ZNF714: variants seen among roughly 807,000 people sequenced by gnomAD.
The protein encoded by ZNF714 is zinc finger protein 714.
Under a neutral mutation model 46.2 loss-of-function variants are expected in ZNF714, and 32 were observed. That is an observed-to-expected ratio of 0.69 (90% CI 0.52 to 0.93). The LOEUF (loss-of-function observed/expected upper bound fraction) is 0.93. ZNF714 is among the 40% of genes least tolerant of loss of function. ZNF714 has a pLI of 0.00. For synonymous variants in ZNF714, 199 were observed against 213.1 expected (o/e 0.93, Z 0.58); for missense variants, 635 against 646.3 (o/e 0.98, Z 0.19).
In ZNF714 at chr19:21,120,829, A is replaced by C. The variant is rs967335857; in HGVS notation, c.*2497A>C. On this transcript the variant is annotated 3_prime_UTR_variant, in exon 5 of 5. Coordinates refer to ENST00000456283, the MANE Select transcript of ZNF714 (RefSeq NM_182515.4). Reference sequence around the variant, plus strand: ...AAAGAATATTGTTTCTGTAGGTTAAATTTTTATTTTGTTTTTAATCATTTA... The same window carrying C: ...AAAGAATATTGTTTCTGTAGGTTAACTTTTTATTTTGTTTTTAATCATTTA... The C allele has an allele frequency of 1.3e-5, 2 of 152,110 alleles. No homozygotes were observed. The highest frequency in any genetic ancestry group is 2.9e-5 in the Non-Finnish European group (2 of 68,028). 9.4% of individuals were successfully genotyped at this position (152,110 alleles called of 1,614,324 possible).
chr19:21,099,693 T>C (rs771530343), intron 4 of ZNF714, among the ~76,000 whole-genome samples: 20 of 152,204 alleles, frequency 1.3e-4, no homozygotes, highest in Non-Finnish European at 1.8e-4. Flanking sequence ...AAGAATGCTT[T>C]GGCTATTTGA....
intron 4 of ZNF714, among the ~76,000 whole-genome samples, 163 bp from the exon 5 acceptor site, chr19:21,116,644 C>A (rs766815770): frequency 1.5e-4 from 23 of 152,202 alleles, no homozygotes; most frequent in South Asian, 4.1e-4. Flanking sequence ...GTATTTTGGT[C>A]AGTATGCTTT....
intron 2 of ZNF714, chr19:21,091,747 T>TG (rs1968914665): frequency 6.6e-6 from 1 of 151,788 alleles, no homozygotes; most frequent in African/African-American, 2.4e-5. Flanking sequence ...TATAATAAAC[T>TG]AGTAAACATA....
chr19:21,098,090 C>A (rs776200869), intron 2 of ZNF714, 95 bp from the exon 3 acceptor site: 29 of 1,484,214 alleles, frequency 2.0e-5, no homozygotes, highest in Non-Finnish European at 2.5e-5. Context: ...TCAACCAATT[C>A]TCTTTACTCT....
chr19:21,102,864 G>A (rs1599542156), intron 4 of ZNF714, among the ~76,000 whole-genome samples: 1 of 151,998 alleles, frequency 6.6e-6, no homozygotes, highest in East Asian at 1.9e-4. Context: ...TCAGCTTATT[G>A]TGTTTTTTAG....
chr19:21,124,133 G>A lies in ZNF714; in HGVS notation c.*5801G>A, dbSNP rs1969754473. ...AGTACATTGGCTTCTCCCATGCAAT[G>A]TGCTGGGTCCAAACCATGCTGTTAA... On this transcript the variant is annotated 3_prime_UTR_variant, in exon 5 of 5. Coordinates refer to ENST00000456283, the MANE Select transcript of ZNF714 (RefSeq NM_182515.4). The A allele has an allele frequency of 6.6e-6, 1 of 152,154 alleles. No homozygotes were observed. Among genetic ancestry groups the A allele is most frequent in the South Asian group, 2.1e-4 (1 of 4,824 alleles). The allele number at this position is 152,154 out of a possible 1,614,324, so 9.4% of individuals were successfully genotyped here.
chr19:21,095,997 C>G (rs993376384), intron 2 of ZNF714, among the ~76,000 whole-genome samples: 3 of 152,104 alleles, frequency 2.0e-5, no homozygotes, highest in Admixed American at 2.0e-4. Context: ...AGTATGAAGG[C>G]TTCAAGATAC....
intron 4 of ZNF714, among the ~76,000 whole-genome samples, chr19:21,099,676 T>A (rs1326346591): frequency 6.6e-6 from 1 of 152,228 alleles, no homozygotes; most frequent in Admixed American, 6.5e-5. Flanking sequence ...TTGTTCTTTT[T>A]TTTCTCAAGA....
In ZNF714 at chr19:21,117,860, G is replaced by C. The variant is rs1271986827; in HGVS notation, c.1196G>C (p.Cys399Ser). 6 of 1,613,128 alleles carry C rather than the reference G, an allele frequency of 3.7e-6. No homozygotes were observed. The South Asian group carries it at 5.5e-5, about 15-fold the overall frequency. ...CATACTGGAGAGAAACCTTACAAAT[G>C]TGAAGAATGTGGCAAAGCTTTTAAC... ...IIHTGEKPYK[C>S]EECGKAFNQS... Residue 399 changes from cysteine (C) to serine (S), a missense_variant, in exon 5 of 5, where the codon TGT (cysteine) becomes TCT (serine). Physicochemically the swap from Cys to Ser is moderately radical, Grantham distance 112 (BLOSUM62 -1). Transcript: ENST00000456283.
At position 21,109,591 on chromosome 19, in the gene ZNF714, A is replaced by G. The variant is rs549486473; in HGVS notation, c.143-7216A>G. 2.6e-5 allele frequency: 6 copies of G among 227,238 alleles called. No individual in the cohort carries two copies. In the South Asian group the frequency reaches 4.3e-4, roughly 16 times the overall value. 14.1% of individuals were successfully genotyped at this position (227,238 alleles called of 1,614,324 possible). The stretch of plus-strand genomic sequence containing the variant: ...CAGTTTCATTGTTGTTTTTTTTTTA[A>G]TTTAATTTAATGTAATTTAATTTTA... On this transcript the variant is annotated intron_variant, in intron 4 of 4. Coordinates refer to ENST00000456283, the MANE Select transcript of ZNF714 (RefSeq NM_182515.4).
intron 2 of ZNF714, 51 bp from the exon 3 acceptor site, chr19:21,098,134 C>A: frequency 1.3e-6 from 2 of 1,548,372 alleles, no homozygotes; most frequent in Non-Finnish European, 1.7e-6. Context: ...ATAAATTCTG[C>A]CCATGGCCAC....
rs891099556 is a variant in ZNF714 at position 21,100,076 on chromosome 19, G to A, written c.142+1166G>A. 3.3e-5 allele frequency among the ~76,000 whole-genome samples: 5 copies of A among 152,034 alleles called. No individual in the cohort carries two copies. In the South Asian group the frequency reaches 6.2e-4, roughly 19 times the overall value. On this transcript the variant is annotated intron_variant, in intron 4 of 4. Transcript: ENST00000456283. ...TCACCTTGTTGTCCAGGCTGGTCTC[G>A]ATCTCCTGACCTTGTGATCCGCCCA... is the stretch of plus-strand genomic sequence containing the variant.
At chr19:21,091,641 C>G (rs997671581) in intron 2 of ZNF714, 3 of 151,282 alleles carry the variant, frequency 2.0e-5, no homozygotes, top group African/African-American at 7.3e-5. Context: ...TTAATCACAG[C>G]TATTTACCCA....
intron 2 of ZNF714, among the ~76,000 whole-genome samples, chr19:21,097,163 G>A (rs1470534786): frequency 6.6e-6 from 1 of 152,108 alleles, no homozygotes; most frequent in Non-Finnish European, 1.5e-5. Context: ...ACCACGCCCG[G>A]CCTGTTCAGG....
chr19:21,102,311 AG>A (rs1263860544), intron 4 of ZNF714, among the ~76,000 whole-genome samples: 1 of 152,234 alleles, frequency 6.6e-6, no homozygotes, highest in African/African-American at 2.4e-5. Flanking sequence ...GAAATAAATT[AG>A]ATAATTGATA....
At position 21,102,278 on chromosome 19, in the gene ZNF714, G is replaced by A. The variant is rs544533046; in HGVS notation, c.142+3368G>A. Among the ~76,000 whole-genome samples, 3 of 152,252 alleles carry A rather than the reference G, an allele frequency of 2.0e-5. No individual in the cohort carries two copies. The South Asian group carries it at 6.2e-4, about 32-fold the overall frequency. Reference sequence around the variant, plus strand: ...TAGATTTGGACATTTAGGACAATATGCTAGAATTTACATGTTATGCCTGAA... The same window carrying A: ...TAGATTTGGACATTTAGGACAATATACTAGAATTTACATGTTATGCCTGAA... On this transcript the variant is annotated intron_variant, in intron 4 of 4. Transcript: ENST00000456283.
chr19:21,106,220 A>C (rs1969308794), intron 4 of ZNF714, among the ~76,000 whole-genome samples: 1 of 151,620 alleles, frequency 6.6e-6, no homozygotes, highest in Non-Finnish European at 1.5e-5. Context: ...GCACCACTGC[A>C]CTCCAGTCTG....
Position 21,121,404 on chromosome 19 carries a change from T to A in ZNF714, c.*3072T>A, listed in dbSNP as rs1288648407. On this transcript the variant is annotated 3_prime_UTR_variant, in exon 5 of 5. Transcript: ENST00000456283. ...GTACAATTGTTATTTACTATAGAGTTATTTTTATGGTCATAATACAAATTA... is the reference window on the plus strand; with the variant it reads ...GTACAATTGTTATTTACTATAGAGTAATTTTTATGGTCATAATACAAATTA... The A allele has an allele frequency of 6.6e-6, 1 of 152,234 alleles. No homozygotes were observed. The highest frequency in any genetic ancestry group is 2.4e-5 in the African/African-American group (1 of 41,470). The allele number at this position is 152,234 out of a possible 1,614,324, so 9.4% of individuals were successfully genotyped here.
intron 4 of ZNF714, among the ~76,000 whole-genome samples, chr19:21,109,176 G>A (rs1466368573): frequency 2.0e-5 from 3 of 152,000 alleles, no homozygotes; most frequent in African/African-American, 7.2e-5. Flanking sequence ...CAAATTGTAT[G>A]CTTTTTAACT....
Sources: gnomAD v4.1 joint callset for allele counts (sites outside exome capture counted in the v4.1 genomes callset) on GRCh38, gnomAD v4.1.1 for gene constraint, MANE v1.5 for transcripts, NCBI Gene and HGNC (gene_info 2026-07-23, HGNC 2026-07-21) for gene names.